The following RGS9 variants were observed in gnomAD, a reference collection of about 807,000 sequenced individuals.
RGS9 encodes regulator of G-protein signalling 9.
In RGS9, 78 loss-of-function variants were observed where a neutral mutation model predicts 102.0. The observed-to-expected ratio is 0.76, with a 90% confidence interval of 0.64 to 0.92. RGS9 has a LOEUF of 0.92. Ranked by LOEUF, RGS9 falls within the 40% of genes least tolerant of loss-of-function variation. The pLI is 0.00. For synonymous variants in RGS9, 353 were observed against 318.6 expected (o/e 1.11, Z -1.15); for missense variants, 833 against 866.1 (o/e 0.96, Z 0.48).
intron 8 of RGS9, among the ~76,000 whole-genome samples, chr17:65,169,430 C>T (rs1347508096): frequency 6.6e-6 from 1 of 152,194 alleles, no homozygotes; most frequent in Non-Finnish European, 1.5e-5. Context: ...AGCACCCCTC[C>T]TGGTTGGTAG....
chr17:65,144,959 CA>C (rs1472901296), intron 1 of RGS9, among the ~76,000 whole-genome samples: 2 of 152,202 alleles, frequency 1.3e-5, no homozygotes, highest in Non-Finnish European at 2.9e-5. Flanking sequence ...CCTTGGCTCG[CA>C]GATGGCCGTC....
intron 3 of RGS9, among the ~76,000 whole-genome samples, 180 bp from the exon 4 acceptor site, chr17:65,160,053 G>A (rs576668174): frequency 7.9e-5 from 12 of 152,286 alleles, no homozygotes; most frequent in South Asian, 4.1e-4. Context: ...TCCTTTTAGC[G>A]TGCAACCCAG....
intron 7 of RGS9, among the ~76,000 whole-genome samples, chr17:65,164,629 C>T (rs1054033501): frequency 1.3e-5 from 2 of 151,974 alleles, no homozygotes; most frequent in African/African-American, 4.8e-5. Flanking sequence ...AGAGCTGGTC[C>T]GGGAAAAATA....
At chr17:65,209,124 A>C (rs1913187159) in intron 16 of RGS9, among the ~76,000 whole-genome samples, 1 of 152,170 alleles carries the variant, frequency 6.6e-6, no homozygotes, top group Non-Finnish European at 1.5e-5. Context: ...CAGACGTGAG[A>C]ATTCTCACTA....
chr17:65,167,146 A>G (rs1004648004), intron 7 of RGS9, among the ~76,000 whole-genome samples: 9 of 152,290 alleles, frequency 5.9e-5, no homozygotes, highest in South Asian at 2.1e-4. Flanking sequence ...TCCCATCCAG[A>G]GTGGGAAAGG....
chr17:65,166,059 G>A (rs1911169204), intron 7 of RGS9, among the ~76,000 whole-genome samples: 1 of 152,178 alleles, frequency 6.6e-6, no homozygotes, highest in Non-Finnish European at 1.5e-5. Context: ...TAGCCTCTCT[G>A]TGTGGTCTAG....
Position 65,139,581 on chromosome 17 carries a change from C to T in RGS9, c.57+1984C>T, listed in dbSNP as rs565396160. ...CGGTGCCCTTTCATGCCTCAGGGTC[C>T]GTCTGCTGGGAAAGTCCTTTCTCCC... On this transcript the variant is annotated intron_variant, in intron 1 of 18. Coordinates refer to ENST00000262406, the MANE Select transcript of RGS9 (RefSeq NM_003835.4). 5.9e-5 allele frequency among the ~76,000 whole-genome samples: 9 copies of T among 152,278 alleles called. No individual in the cohort carries two copies. The East Asian group carries it at 9.7e-4, about 16-fold the overall frequency.
chr17:65,168,404 C>A, intron 8 of RGS9, 123 bp downstream of exon 8: 1 of 736,682 alleles, frequency 1.4e-6, no homozygotes, highest in Non-Finnish European at 2.4e-6. Flanking sequence ...GCAGGAGGAG[C>A]TGCTCAGTGT....
At chr17:65,171,955 C>T (rs964593634) in intron 8 of RGS9, among the ~76,000 whole-genome samples, 1 of 152,206 alleles carries the variant, frequency 6.6e-6, no homozygotes, top group African/African-American at 2.4e-5. Context: ...TCTGAGGCTG[C>T]TTCCTGGCGG....
rs878908449 is a variant in RGS9, at chr17:65,153,319, T to A, written c.58-103T>A. On this transcript the variant is annotated intron_variant, in intron 1 of 18. Coordinates refer to ENST00000262406, the MANE Select transcript of RGS9 (RefSeq NM_003835.4). ...CTGTACCAGATGGGGAACCCCTGTG[T>A]CCACCTTTGCATTTTGAGGTCCCTC... is the stretch of plus-strand genomic sequence containing the variant. 16 of 973,872 alleles carry A rather than the reference T, an allele frequency of 1.6e-5. No individual in the cohort carries two copies. In the South Asian group the frequency reaches 1.7e-4, roughly 10 times the overall value. 60.3% of individuals were successfully genotyped at this position (973,872 alleles called of 1,614,324 possible). A position where few individuals can be genotyped will look rare whatever the true frequency, so the allele number is the denominator to read the frequency against.
chr17:65,177,879 G>A (rs558202226), intron 9 of RGS9, 76 bp downstream of exon 9: 15 of 1,141,170 alleles, frequency 1.3e-5, no homozygotes, highest in East Asian at 7.0e-5. Flanking sequence ...ATGTCTATTC[G>A]TGTCTGTTAG....
chr17:65,196,243 T>C (rs1912581293), intron 12 of RGS9, among the ~76,000 whole-genome samples: 1 of 152,238 alleles, frequency 6.6e-6, no homozygotes, highest in South Asian at 2.1e-4. Flanking sequence ...TTATCAGTTT[T>C]CTTATTGTTT....
chr17:65,167,886 A>G (rs775630387), intron 7 of RGS9, among the ~76,000 whole-genome samples: 6 of 152,078 alleles, frequency 3.9e-5, no homozygotes, highest in South Asian at 2.1e-4. Flanking sequence ...ACTTCTGCCA[A>G]TTGCTAGCAG....
chr17:65,137,692 C>A, intron 1 of RGS9, 95 bp downstream of exon 1: 1 of 1,135,166 alleles, frequency 8.8e-7, no homozygotes. Flanking sequence ...GGAGAGCACC[C>A]CTTTGGGTCG....
intron 8 of RGS9, among the ~76,000 whole-genome samples, chr17:65,169,481 G>A (rs184676102): frequency 2.7e-3 from 410 of 152,288 alleles, no homozygotes; most frequent in African/African-American, 9.2e-3. Context: ...CACATTGCTC[G>A]TGTGTTCCAG....
At position 65,185,637 on chromosome 17, in the gene RGS9, A is replaced by C. The variant is rs1031156684; in HGVS notation, c.655-3649A>C. On this transcript the variant is annotated intron_variant, in intron 9 of 18. Coordinates refer to ENST00000262406, the MANE Select transcript of RGS9 (RefSeq NM_003835.4). ...GTCTCACCTTCAACCAAATCCTATT[A>C]ATGGAGAGCAAGCTGCAGTTCCATT... is the stretch of plus-strand genomic sequence containing the variant. Among the ~76,000 whole-genome samples, 53 of 152,216 alleles carry C rather than the reference A, an allele frequency of 3.5e-4. 1 individual carries two copies. The highest frequency in any genetic ancestry group is 7.2e-4 in the Non-Finnish European group (49 of 68,038).
rs115847645 is a variant in RGS9 at position 65,137,736 on chromosome 17, T to A, written c.57+139T>A. Reference sequence around the variant, plus strand: ...TGCTCGATTTTATTAAGTGACTTCTTTGCTGTGTGTGTCGATATTGATGGC... The same window carrying A: ...TGCTCGATTTTATTAAGTGACTTCTATGCTGTGTGTGTCGATATTGATGGC... On this transcript the variant is annotated intron_variant, in intron 1 of 18. Transcript: ENST00000262406. 4,236 of 728,528 alleles carry A rather than the reference T, an allele frequency of 5.8e-3. 129 individuals are homozygous for A. In the African/African-American group the frequency reaches 0.066, roughly 11 times the overall value. 45.1% of individuals were successfully genotyped at this position (728,528 alleles called of 1,614,324 possible).
In RGS9 at chr17:65,197,209, G is replaced by A; in HGVS notation, c.944G>A (p.Ser315Asn). The change falls in exon 13 of 19, where the codon AGC (serine) becomes AAC (asparagine). Residue 315 changes from serine to asparagine, a missense_variant. By Grantham distance (46) the Ser-to-Asn change is conservative. This residue lies in a region of RGS9 where 185 missense variants were observed against 248.7 expected (regional missense o/e 0.74). Coordinates refer to ENST00000262406, the MANE Select transcript of RGS9 (RefSeq NM_003835.4). Reference protein sequence around the residue: ...ELIRDPKGRQSFQYFLKKEFS... With the variant: ...ELIRDPKGRQNFQYFLKKEFS... ...ATCCGAGACCCCAAAGGTCGACAGAGCTTCCAGTACTTCCTCAAGAAAGAA... is the reference window on the plus strand; with the variant it reads ...ATCCGAGACCCCAAAGGTCGACAGAACTTCCAGTACTTCCTCAAGAAAGAA... 1 of 1,613,536 alleles carries A rather than the reference G, an allele frequency of 6.2e-7. No individual in the cohort carries two copies.
chr17:65,217,827 T>G lies in RGS9; in HGVS notation c.1408-7175T>G, dbSNP rs146023242. Among the ~76,000 whole-genome samples, 568 of 152,296 alleles carry G rather than the reference T, an allele frequency of 3.7e-3. 2 individuals are homozygous for G. The highest frequency in any genetic ancestry group is 6.8e-3 in the Middle Eastern group (2 of 294). ...GGTTTTGGAGAGGAATAGTTTACTC[T>G]CTGATGTTGCAACTCAGAGAGATTT... is the stretch of plus-strand genomic sequence containing the variant. On this transcript the variant is annotated intron_variant, in intron 17 of 18. Transcript: ENST00000262406.
Sources: allele counts gnomAD v4.1 joint callset (sites outside exome capture counted in the v4.1 genomes callset), GRCh38; gene constraint gnomAD v4.1.1; regional missense constraint gnomAD v4.1.1; transcripts MANE v1.5; gene names NCBI Gene and HGNC (gene_info 2026-07-23, HGNC 2026-07-21).